The following WDR83 variants were observed in gnomAD, a reference collection of about 807,000 sequenced individuals.
WDR83 encodes WD repeat domain-containing protein 83.
In WDR83, 37 loss-of-function variants were observed where a neutral mutation model predicts 37.7. The observed-to-expected ratio is 0.98, with a 90% CI of 0.76 to 1.29. WDR83 has a LOEUF of 1.29. Ranked by LOEUF, WDR83 falls within the 50% of genes most tolerant of loss-of-function variation. The pLI is 0.00. For missense variants in WDR83, 445 were observed against 414.4 expected, an observed-to-expected ratio of 1.07 and a Z score of -0.64; for synonymous variants, 174 against 181.1, an observed-to-expected ratio of 0.96 and a Z score of 0.31.
At chr19:12,673,408 A>ATTT in intron 10 of WDR83, 92 bp downstream of exon 10, 3 of 266,018 alleles carry the variant, frequency 1.1e-5, no homozygotes, top group Non-Finnish European at 1.4e-5. Flanking sequence ...GAAGGCTAGG[A>ATTT]TCTTTTTTTT....
At chr19:12,672,316 A>G in intron 7 of WDR83, 1 of 177,336 alleles carries the variant, frequency 5.6e-6, no homozygotes, top group Non-Finnish European at 1.2e-5. Context: ...ATGCAGGAAA[A>G]GGGGGAATTG....
In WDR83 at chr19:12,673,327, C is replaced by T. The variant is rs766378557; in HGVS notation, c.798+11C>T. 1 of 1,607,612 alleles carries T rather than the reference C, an allele frequency of 6.2e-7. No homozygotes were observed. The highest frequency in any genetic ancestry group is 1.7e-5 in the Admixed American group (1 of 59,964). ...TGGGACCTGGTGGAGGTGAGGTGCC[C>T]CCAGCCCTACTTCATACCTAGATGC... On this transcript the variant is annotated intron_variant, in intron 10 of 10. Coordinates refer to ENST00000418543, the MANE Select transcript of WDR83 (RefSeq NM_001099737.3).
At chr19:12,675,039 G>A (rs557015312) in intron 10 of WDR83, among the ~76,000 whole-genome samples, 1 of 152,054 alleles carries the variant, frequency 6.6e-6, no homozygotes, top group East Asian at 1.9e-4. Context: ...GCTTGAACTA[G>A]GGAGTCGGAG....
chr19:12,670,896 CCTA>C, intron 7 of WDR83, 75 bp downstream of exon 7: 1 of 1,545,588 alleles, frequency 6.5e-7, no homozygotes, highest in Non-Finnish European at 8.8e-7. Context: ...CAGATTAAAA[CCTA>C]CTCTCAGCTG....
exon 11 of WDR83, chr19:12,675,827 A>ACCGCAG (rs1460079530): frequency 6.3e-7 from 1 of 1,580,626 alleles, no homozygotes; most frequent in Non-Finnish European, 8.6e-7. Context: ...CCTTCCTGGG[A>ACCGCAG]CCGCAGCCGC....
At position 12,675,556 on chromosome 19, in the gene WDR83, G is replaced by A. The variant is rs34373915; in HGVS notation, c.832G>A (p.Gly278Ser). Residue 278 changes from glycine (G) to serine (S), a missense_variant, in exon 11 of 11, where the codon GGT (glycine) becomes AGT (serine). Transcript: ENST00000418543. ...GGCTCTGGCCCTGCCTGTGGGTTCC[G>A]GTGTGGTGCAGTCGCTGGCCTACCA... ...ALALALPVGS[G>S]VVQSLAYHPT... 2,248 of 1,606,314 alleles carry A rather than the reference G, an allele frequency of 1.4e-3. 7 individuals are homozygous for A. The highest frequency in any genetic ancestry group is 7.1e-3 in the Middle Eastern group (41 of 5,790).
chr19:12,670,229 G>A lies in WDR83; in HGVS notation c.274G>A (p.Val92Ile). Residue 92 changes from valine (V) to isoleucine (I), a missense_variant, in exon 5 of 11, where the codon GTT becomes ATT. By Grantham distance (29) the Val-to-Ile change is conservative. Coordinates refer to ENST00000418543, the MANE Select transcript of WDR83 (RefSeq NM_001099737.3). ...CTCCGGCGGCGGGGACAAGGCGGTGGTTCTGTGGGATGTGGCATCAGGGCA... is the reference window on the plus strand; with the variant it reads ...CTCCGGCGGCGGGGACAAGGCGGTGATTCTGTGGGATGTGGCATCAGGGCA... ...LCSGGGDKAV[V>I]LWDVASGQVV... 2 of 1,614,178 alleles carry A rather than the reference G, an allele frequency of 1.2e-6. No individual in the cohort carries two copies. The highest frequency in any genetic ancestry group is 1.7e-6 in the Non-Finnish European group (2 of 1,180,022).
Position 12,669,908 on chromosome 19 carries a change from C to T in WDR83, c.103+15C>T. On this transcript the variant is annotated intron_variant, in intron 3 of 10. Coordinates refer to ENST00000418543, the MANE Select transcript of WDR83 (RefSeq NM_001099737.3). ...ACGATTTAATGGTGAGCGCCTTCGTCTTCATTCCGGGTCCTCCTCCCGCCT... is the reference window on the plus strand; with the variant it reads ...ACGATTTAATGGTGAGCGCCTTCGTTTTCATTCCGGGTCCTCCTCCCGCCT... 6.2e-7 allele frequency: 1 copy of T among 1,602,912 alleles called. No individual in the cohort carries two copies. The highest frequency in any genetic ancestry group is 8.5e-7 in the Non-Finnish European group (1 of 1,171,634).
In WDR83 at chr19:12,668,481, C is replaced by CT. The variant is rs1373495289; in HGVS notation, c.-156-25dup. On this transcript the variant is annotated intron_variant, in intron 1 of 10. Coordinates refer to ENST00000418543, the MANE Select transcript of WDR83 (RefSeq NM_001099737.3). Reference sequence around the variant, plus strand: ...TGGCCAGGCTGGGGTCCCCCCACCCCTTACTCAAGAGTCACTTGTTCTGTA... The same window carrying CT: ...TGGCCAGGCTGGGGTCCCCCCACCCCTTTACTCAAGAGTCACTTGTTCTGTA... The CT allele has an allele frequency of 3.1e-6, 5 of 1,613,438 alleles. No homozygotes were observed. In the African/African-American group the frequency reaches 6.7e-5, roughly 22 times the overall value.
In WDR83 at chr19:12,673,087, G is replaced by C; in HGVS notation, c.654G>C (p.Leu218=). 4 of 1,613,412 alleles carry C rather than the reference G, an allele frequency of 2.5e-6. No individual in the cohort carries two copies. Among genetic ancestry groups the C allele is most frequent in the Non-Finnish European group, 3.4e-6 (4 of 1,179,520 alleles). The change falls in exon 9 of 11, where the codon CTG becomes CTC. Residue 218 remains leucine, a synonymous_variant. Transcript: ENST00000418543. ...VSSLDSTLRL[L]DKDTGELLGE... ...GCCTGGACTCCACATTGCGGCTCCT[G>C]GACAAAGACACAGGGGAGCTGCTGG...
chr19:12,671,018 C>A, intron 7 of WDR83, 197 bp downstream of exon 7: 1 of 758,380 alleles, frequency 1.3e-6, no homozygotes, highest in Non-Finnish European at 2.0e-6. Flanking sequence ...GGGTGAAAGA[C>A]AGACTGTCTA....
chr19:12,669,723 T>G (rs1164603953), intron 2 of WDR83, 32 bp from the exon 3 acceptor site: 2 of 1,460,814 alleles, frequency 1.4e-6, no homozygotes, highest in Non-Finnish European at 1.9e-6. Flanking sequence ...CACCCAAGCG[T>G]GGGTTTCTAA....
At chr19:12,670,375 G>A (rs928884896) in intron 5 of WDR83, 90 bp downstream of exon 5, 41 of 1,525,702 alleles carry the variant, frequency 2.7e-5, no homozygotes, top group African/African-American at 4.1e-5. Flanking sequence ...TACACCGTAA[G>A]GATCCCTTCC....
At position 12,673,190 on chromosome 19, in the gene WDR83, G is replaced by A. The variant is rs1226571016; in HGVS notation, c.684-12G>A. 8 of 1,613,922 alleles carry A rather than the reference G, an allele frequency of 5.0e-6. No individual in the cohort carries two copies. The highest frequency in any genetic ancestry group is 6.8e-6 in the Non-Finnish European group (8 of 1,179,896). On this transcript the variant is annotated splice_polypyrimidine_tract_variant and intron_variant, in intron 9 of 10. Coordinates refer to ENST00000418543, the MANE Select transcript of WDR83 (RefSeq NM_001099737.3). The stretch of plus-strand genomic sequence containing the variant: ...GGAGAGGACCAAGCCCCCCGATCCT[G>A]TCCACCCTTAGGTACAAGGGCCATA...
intron 7 of WDR83, 157 bp downstream of exon 7, chr19:12,670,978 A>G (rs2024397916): frequency 2.6e-6 from 3 of 1,154,720 alleles, no homozygotes; most frequent in South Asian, 3.0e-5. Context: ...CTTGAGTCCA[A>G]GAGTTCGAGG....
chr19:12,671,044 C>A (rs924761905), intron 7 of WDR83: 21 of 624,726 alleles, frequency 3.4e-5, no homozygotes, highest in Non-Finnish European at 4.3e-5. Context: ...TAATAATAAT[C>A]TGGCCGGGCA....
At chr19:12,671,479 C>G (rs1174238733) in intron 7 of WDR83, 1 of 152,092 alleles carries the variant, frequency 6.6e-6, no homozygotes, top group Admixed American at 6.6e-5. Context: ...GGTGAAACCC[C>G]GTCTCTACTA....
rs926996489 is a variant in WDR83, at chr19:12,669,553, G to A, written c.-36-202G>A. ...TTGGACTCCCCTTACCCAGAGAACG[G>A]AGATTTAGGAGAAGCCAGAAGTCTT... is the stretch of plus-strand genomic sequence containing the variant. On this transcript the variant is annotated intron_variant, in intron 2 of 10. Coordinates refer to ENST00000418543, the MANE Select transcript of WDR83 (RefSeq NM_001099737.3). 29 of 1,028,278 alleles carry A rather than the reference G, an allele frequency of 2.8e-5. No individual in the cohort carries two copies. In the African/African-American group the frequency reaches 4.2e-4, roughly 15 times the overall value. The allele number at this position is 1,028,278 out of a possible 1,614,324, so 63.7% of individuals were successfully genotyped here. A position where few individuals can be genotyped will look rare whatever the true frequency, so the allele number is the denominator to read the frequency against.
At position 12,670,176 on chromosome 19, in the gene WDR83, C is replaced by G; in HGVS notation, c.225-4C>G. 3 of 1,613,218 alleles carry G rather than the reference C, an allele frequency of 1.9e-6. No individual in the cohort carries two copies. The highest frequency in any genetic ancestry group is 1.1e-5 in the South Asian group (1 of 91,014). ...ATGCTGATCCTCCTCCTCCTTTACT[C>G]CAGCTCCTTTGACAACAGTAGTCTC... On this transcript the variant is annotated splice_polypyrimidine_tract_variant and splice_region_variant and intron_variant, in intron 4 of 10. Transcript: ENST00000418543.
Sources: gnomAD v4.1 joint callset for allele counts (sites outside exome capture counted in the v4.1 genomes callset) on GRCh38, gnomAD v4.1.1 for gene constraint, MANE v1.5 for transcripts, NCBI Gene and HGNC (gene_info 2026-07-23, HGNC 2026-07-21) for gene names.